UNC5D: variants seen among roughly 807,000 people sequenced by gnomAD.
UNC5D encodes the protein unc-5 netrin receptor D.
In UNC5D, 39 loss-of-function variants were observed where a neutral mutation model predicts 105.4. The ratio of observed to expected loss-of-function variants is 0.37; its 90% CI spans 0.29 to 0.48. UNC5D has a LOEUF of 0.48. Ranked by LOEUF, UNC5D falls within the 20% of genes least tolerant of loss-of-function variation. The probability of loss-of-function intolerance (pLI) is 0.98; values close to 1 mark genes in which losing one functional copy is unlikely to be tolerated. For missense variants in UNC5D, 991 were observed against 1,202.4 expected (o/e 0.82, Z 2.60); for synonymous variants, 452 against 450.4 (o/e 1.00, Z -0.04).
chr8:35,507,993 G>C (rs554275491), intron 1 of UNC5D, among the ~76,000 whole-genome samples: 37 of 152,264 alleles, frequency 2.4e-4, no homozygotes, highest in African/African-American at 8.9e-4. Context: ...CAAGGGCTGT[G>C]GTTTAGTTGG....
intron 1 of UNC5D, among the ~76,000 whole-genome samples, chr8:35,545,577 AC>A (rs1158839985): frequency 7.2e-5 from 11 of 151,996 alleles, no homozygotes; most frequent in African/African-American, 2.4e-4. Flanking sequence ...CCAGTGTGGA[AC>A]TTGGAGTGTG....
chr8:35,389,875 G>A (rs1528710), intron 1 of UNC5D, among the ~76,000 whole-genome samples: 82,333 of 152,016 alleles, frequency 0.54, 23,236 homozygotes, highest in East Asian at 0.71. Context: ...TCCTATTAAC[G>A]GAATAGGCAA....
chr8:35,545,831 T>TAA (rs937825344), intron 1 of UNC5D, among the ~76,000 whole-genome samples: 24 of 152,108 alleles, frequency 1.6e-4, no homozygotes, highest in African/African-American at 5.6e-4. Context: ...TATGTAATAA[T>TAA]AAAAATGTAA....
chr8:35,495,514 T>C (rs1333703316), intron 1 of UNC5D, among the ~76,000 whole-genome samples: 1 of 149,964 alleles, frequency 6.7e-6, no homozygotes, highest in Non-Finnish European at 1.5e-5. Context: ...TAAGAAAGTT[T>C]ACAAATTTGT....
chr8:35,528,448 G>A (rs889467368), intron 1 of UNC5D, among the ~76,000 whole-genome samples: 5 of 148,512 alleles, frequency 3.4e-5, no homozygotes, highest in African/African-American at 1.3e-4. Flanking sequence ...GTCTATCATT[G>A]TTGGACATTT....
intron 1 of UNC5D, among the ~76,000 whole-genome samples, chr8:35,374,551 A>G (rs929090302): frequency 1.3e-5 from 2 of 152,216 alleles, no homozygotes; most frequent in Admixed American, 6.5e-5. Flanking sequence ...GGAGACTATT[A>G]GGAACTAGCT....
At chr8:35,677,888 G>A (rs887840960) in intron 4 of UNC5D, among the ~76,000 whole-genome samples, 2 of 113,292 alleles carry the variant, frequency 1.8e-5, no homozygotes, top group Non-Finnish European at 4.4e-5. Context: ...GTGTGTGAGT[G>A]TCTGTGTGTG....
At chr8:35,694,697 G>A (rs1011481827) in intron 7 of UNC5D, among the ~76,000 whole-genome samples, 2 of 122,142 alleles carry the variant, frequency 1.6e-5, no homozygotes, top group African/African-American at 8.7e-5. Flanking sequence ...AATAACTATA[G>A]TGTGTGTGTG....
At chr8:35,790,016 A>G (rs1016586397) in intron 16 of UNC5D, among the ~76,000 whole-genome samples, 2 of 152,066 alleles carry the variant, frequency 1.3e-5, no homozygotes, top group African/African-American at 4.8e-5. Flanking sequence ...TGGGAGGCTG[A>G]GGCAAGAGGA....
At chr8:35,626,576 T>C (rs1214469046) in intron 4 of UNC5D, among the ~76,000 whole-genome samples, 1 of 152,216 alleles carries the variant, frequency 6.6e-6, no homozygotes, top group African/African-American at 2.4e-5. Flanking sequence ...TTATTTGGGT[T>C]CAAAGCTGTC....
chr8:35,507,245 C>G (rs1812382449), intron 1 of UNC5D, among the ~76,000 whole-genome samples: 1 of 151,452 alleles, frequency 6.6e-6, no homozygotes, highest in Non-Finnish European at 1.5e-5. Flanking sequence ...TTAGTAGAGA[C>G]GGGGTTTCAC....
At chr8:35,378,136 G>T (rs541233466) in intron 1 of UNC5D, among the ~76,000 whole-genome samples, 2 of 152,260 alleles carry the variant, frequency 1.3e-5, no homozygotes, top group South Asian at 4.1e-4. Context: ...GGATAAGCAT[G>T]CTGGCTTCCT....
chr8:35,415,030 C>T (rs780038060), intron 1 of UNC5D, among the ~76,000 whole-genome samples: 2 of 152,056 alleles, frequency 1.3e-5, no homozygotes, highest in Non-Finnish European at 2.9e-5. Flanking sequence ...GTAGACCTCA[C>T]CTTAGGTCTA....
At chr8:35,386,850 G>C (rs1391152559) in intron 1 of UNC5D, among the ~76,000 whole-genome samples, 1 of 152,090 alleles carries the variant, frequency 6.6e-6, no homozygotes, top group Non-Finnish European at 1.5e-5. Context: ...TATAGATAGG[G>C]CTTACTTTGC....
intron 1 of UNC5D, among the ~76,000 whole-genome samples, chr8:35,380,414 A>G (rs1418424382): frequency 2.0e-5 from 3 of 152,156 alleles, no homozygotes; most frequent in Non-Finnish European, 4.4e-5. Context: ...TGCAGCATTC[A>G]GTACATAGTG....
chr8:35,613,932 A>T (rs913604648), intron 4 of UNC5D, among the ~76,000 whole-genome samples: 74 of 152,348 alleles, frequency 4.9e-4, no homozygotes, highest in African/African-American at 1.7e-3. Flanking sequence ...AATATTTGAA[A>T]GTATCCATTG....
At chr8:35,652,408 G>T (rs980445647) in intron 4 of UNC5D, among the ~76,000 whole-genome samples, 4 of 152,026 alleles carry the variant, frequency 2.6e-5, no homozygotes, top group African/African-American at 9.7e-5. Flanking sequence ...AGAAAATGAG[G>T]ATGTACCTAC....
chr8:35,407,251 T>A lies in UNC5D; in HGVS notation c.104-142041T>A, dbSNP rs1042213778. Among the ~76,000 whole-genome samples, 6 of 152,124 alleles carry A rather than the reference T, an allele frequency of 3.9e-5. No individual in the cohort carries two copies. In the East Asian group the frequency reaches 5.8e-4, roughly 15 times the overall value. On this transcript the variant is annotated intron_variant, in intron 1 of 16. Transcript: ENST00000404895. Reference sequence around the variant, plus strand: ...AAGTTTGTGTAAGTGTACTCTATGATGTTTGCACAATGTTGAACTTGCCTA... The same window carrying A: ...AAGTTTGTGTAAGTGTACTCTATGAAGTTTGCACAATGTTGAACTTGCCTA...
At chr8:35,578,716 G>A (rs1818273292) in intron 3 of UNC5D, among the ~76,000 whole-genome samples, 1 of 152,148 alleles carries the variant, frequency 6.6e-6, no homozygotes, top group Admixed American at 6.5e-5. Context: ...AACTGTAAGA[G>A]ACTCTGGTTC....
Sources: gnomAD v4.1 joint callset for allele counts (sites outside exome capture counted in the v4.1 genomes callset) on GRCh38, gnomAD v4.1.1 for gene constraint, MANE v1.5 for transcripts, NCBI Gene and HGNC (gene_info 2026-07-23, HGNC 2026-07-21) for gene names.